ERG: variants seen among roughly 807,000 people sequenced by gnomAD.
The protein encoded by ERG is ETS transcription factor ERG.
Under a neutral mutation model 55.3 loss-of-function variants are expected in ERG, and 9 were observed. The observed-to-expected ratio is 0.16, with a 90% CI of 0.10 to 0.28. The LOEUF is 0.28. Ranked by LOEUF, ERG falls within the 10% of genes least tolerant of loss-of-function variation. The pLI is 1.00. For synonymous variants in ERG, 223 were observed against 237.3 expected, an observed-to-expected ratio of 0.94 and a Z score of 0.55; for missense variants, 434 against 631.6, an observed-to-expected ratio of 0.69 and a Z score of 3.35.
chr21:38,585,153 C>T (rs73906345), upstream of ERG, among the ~76,000 whole-genome samples: 3,895 of 152,250 alleles, frequency 0.026, 187 homozygotes, highest in African/African-American at 0.09. Flanking sequence ...AAGCAAAAAT[C>T]GGGAGTGAAA....
chr21:38,532,525 T>A (rs1352809806), intron 2 of ERG, among the ~76,000 whole-genome samples: 1 of 152,226 alleles, frequency 6.6e-6, no homozygotes, highest in Non-Finnish European at 1.5e-5. Context: ...GGCAGGGGAT[T>A]CTAAAGAAGG....
chr21:38,657,483 C>T lies in ERG; in HGVS notation c.-150+4175G>A, dbSNP rs576939924. Among the ~76,000 whole-genome samples, 291 of 152,250 alleles carry T rather than the reference C, an allele frequency of 1.9e-3. 1 individual carries two copies. Among genetic ancestry groups the T allele is most frequent in the Non-Finnish European group, 3.4e-3 (231 of 68,020 alleles). On this transcript the variant is annotated intron_variant, in intron 1 of 10. Transcript: ENST00000398910. ...CTTAAATTTAGCAAAGTAATTTTAG[C>T]TCACCCTCCTTCACTACCTTCACTA...
chr21:38,379,738 CA>C (rs1282769630), downstream of ERG, among the ~76,000 whole-genome samples: 2 of 152,076 alleles, frequency 1.3e-5, no homozygotes, highest in African/African-American at 4.8e-5. Context: ...GCTGCTTTGT[CA>C]AAAATTTATT....
intron 1 of ERG, among the ~76,000 whole-genome samples, chr21:38,448,052 C>T (rs1467513750): frequency 6.6e-6 from 1 of 151,982 alleles, no homozygotes; most frequent in Non-Finnish European, 1.5e-5. Flanking sequence ...GCAAACAAAG[C>T]CAATAGCCAC....
chr21:38,420,831 C>T (rs1416692768), intron 3 of ERG, among the ~76,000 whole-genome samples: 1 of 152,182 alleles, frequency 6.6e-6, no homozygotes, highest in African/African-American at 2.4e-5. Flanking sequence ...AATGAGGAAC[C>T]AAGCAAGGAA....
chr21:38,500,866 T>G (rs907203252), upstream of ERG, among the ~76,000 whole-genome samples: 2 of 152,132 alleles, frequency 1.3e-5, no homozygotes. Flanking sequence ...GAGTGGTAAA[T>G]TCTGTTCCAA....
chr21:38,652,452 GT>G (rs1202866521), intron 1 of ERG, among the ~76,000 whole-genome samples: 1 of 152,190 alleles, frequency 6.6e-6, no homozygotes, highest in Non-Finnish European at 1.5e-5. Context: ...ATATGACAAG[GT>G]TGTTTAAAAT....
At chr21:38,628,409 A>G (rs2060338137) in intron 1 of ERG, among the ~76,000 whole-genome samples, 1 of 152,226 alleles carries the variant, frequency 6.6e-6, no homozygotes, top group East Asian at 1.9e-4. Flanking sequence ...AAGGGACCAC[A>G]TGAGCATTAA....
At chr21:38,573,638 T>G (rs1289251554) in intron 2 of ERG, among the ~76,000 whole-genome samples, 1 of 152,236 alleles carries the variant, frequency 6.6e-6, no homozygotes, top group East Asian at 1.9e-4. Context: ...GCTGACCTTC[T>G]CCTTATTATC....
chr21:38,646,534 T>C (rs1478660178), intron 1 of ERG, among the ~76,000 whole-genome samples: 1 of 152,156 alleles, frequency 6.6e-6, no homozygotes, highest in African/African-American at 2.4e-5. Context: ...TTTCCCTTCA[T>C]GTACTTTTTC....
At chr21:38,543,084 C>T (rs1240713997) in intron 2 of ERG, among the ~76,000 whole-genome samples, 1 of 152,124 alleles carries the variant, frequency 6.6e-6, no homozygotes, top group Non-Finnish European at 1.5e-5. Flanking sequence ...CCAACACTAC[C>T]CTTTCTGGAT....
At chr21:38,623,492 ATCT>A (rs1417255129) in intron 1 of ERG, among the ~76,000 whole-genome samples, 3 of 152,240 alleles carry the variant, frequency 2.0e-5, no homozygotes, top group Admixed American at 2.0e-4. Context: ...TACCTCTGAA[ATCT>A]TCATCAAATT....
chr21:38,397,391 A>G (rs1988275166), intron 6 of ERG, among the ~76,000 whole-genome samples: 1 of 152,060 alleles, frequency 6.6e-6, no homozygotes, highest in African/African-American at 2.4e-5. Flanking sequence ...CGAGGTCAAG[A>G]GATCAAGACC....
At chr21:38,440,463 A>G (rs925625455) in intron 2 of ERG, among the ~76,000 whole-genome samples, 1 of 152,158 alleles carries the variant, frequency 6.6e-6, no homozygotes, top group African/African-American at 2.4e-5. Flanking sequence ...ACGGTGTCCA[A>G]AATAAAGCAG....
rs141732148 is a variant in ERG at position 38,619,035 on chromosome 21, G to A, written c.-149-34090C>T. Among the ~76,000 whole-genome samples the A allele has an allele frequency of 1.9e-3, 296 of 152,276 alleles. 3 individuals carry two copies. The highest frequency in any genetic ancestry group is 6.4e-3 in the African/African-American group (266 of 41,554). ...CATGCAAAGCCGGGTTCAGTGGGAA[G>A]ACCACTGAGTCTGTCAGACACCTCA... On this transcript the variant is annotated intron_variant, in intron 1 of 10. Transcript: ENST00000398910.
At chr21:38,408,633 T>TA (rs1569074121) in intron 3 of ERG, among the ~76,000 whole-genome samples, 1 of 152,198 alleles carries the variant, frequency 6.6e-6, no homozygotes, top group Non-Finnish European at 1.5e-5. Flanking sequence ...GTTTTGGTCC[T>TA]AACCTTTTAA....
At chr21:38,574,098 T>C (rs955305133) in intron 2 of ERG, among the ~76,000 whole-genome samples, 71 of 152,338 alleles carry the variant, frequency 4.7e-4, no homozygotes, top group African/African-American at 1.7e-3. Flanking sequence ...GCTAATAAAA[T>C]GAATTTCAGT....
intron 1 of ERG, among the ~76,000 whole-genome samples, chr21:38,495,559 A>C (rs1316338830): frequency 6.6e-6 from 1 of 152,176 alleles, no homozygotes; most frequent in Admixed American, 6.5e-5. Context: ...TTTACACATT[A>C]AGTATCTTTC....
chr21:38,656,851 T>C (rs781374756), intron 1 of ERG, among the ~76,000 whole-genome samples: 7 of 152,206 alleles, frequency 4.6e-5, no homozygotes, highest in Non-Finnish European at 7.3e-5. Flanking sequence ...ATTCTATATA[T>C]GCCTGTTTTC....
Sources: gnomAD v4.1 joint callset for allele counts (sites outside exome capture counted in the v4.1 genomes callset) on GRCh38, gnomAD v4.1.1 for gene constraint, MANE v1.5 for transcripts, NCBI Gene and HGNC (gene_info 2026-07-23, HGNC 2026-07-21) for gene names.